Variants in COMP observed in about 807,000 individuals in gnomAD.
COMP encodes cartilage oligomeric matrix protein, also known as cartilage oligomeric matrix protein (pseudoachondroplasia, epiphyseal dysplasia 1, multiple).
In COMP, 79 loss-of-function variants were observed where a neutral mutation model predicts 95.8. The ratio of observed to expected loss-of-function variants is 0.82; its 90% confidence interval spans 0.69 to 0.99. The LOEUF (loss-of-function observed/expected upper bound fraction) is 0.99. Ranked by LOEUF, COMP falls within the 50% of genes least tolerant of loss-of-function variation. COMP has a pLI of 0.00. For synonymous variants in COMP, 438 were observed against 433.9 expected, an observed-to-expected ratio of 1.01 and a Z score of -0.12; for missense variants, 906 against 1,076.1, an observed-to-expected ratio of 0.84 and a Z score of 2.21.
At position 18,790,064 on chromosome 19, in the gene COMP, G is replaced by A. The variant is rs757546301; in HGVS notation, c.268C>T (p.His90Tyr). 1.3e-6 allele frequency: 2 copies of A among 1,552,546 alleles called. No homozygotes were observed. Among genetic ancestry groups the A allele is most frequent in the Non-Finnish European group, 1.7e-6 (2 of 1,154,044 alleles). ...GGGAAGCAGAAGCCGGGCGCGCAGT[G>A]GAGCAGGGGCCGCACGCTGGGTAGG... ...TGLPSVRPLL[H>Y]CAPGFCFPGV... Residue 90 changes from histidine to tyrosine, a missense_variant, in exon 4 of 19, where the codon CAC (histidine) becomes TAC (tyrosine). By Grantham distance (83) the His-to-Tyr change is moderately conservative. Transcript: ENST00000222271.
In COMP at chr19:18,784,060, C is replaced by A; in HGVS notation, c.2087+131G>T. On this transcript the variant is annotated intron_variant, in intron 17 of 18. Coordinates refer to ENST00000222271, the MANE Select transcript of COMP (RefSeq NM_000095.3). The surrounding 1 kb of genome is among the most constrained non-coding windows in gnomAD (Gnocchi z 4.9). ...ACGCCTGGACCAGCATAGGCTCATT[C>A]TAACTGCCCTGTATCTTTCCTATCG... is the stretch of plus-strand genomic sequence containing the variant. 4.7e-6 allele frequency: 5 copies of A among 1,061,570 alleles called. 1 individual carries two copies. The South Asian group carries it at 5.4e-5, about 11-fold the overall frequency. The allele number at this position is 1,061,570 out of a possible 1,614,324, so 65.8% of individuals were successfully genotyped here.
rs972333523 is a variant in COMP at position 18,786,411 on chromosome 19, C to G, written c.1255-120G>C. The G allele has an allele frequency of 8.4e-6, 13 of 1,548,556 alleles. 1 individual carries two copies. In the South Asian group the frequency reaches 1.5e-4, roughly 17 times the overall value. On this transcript the variant is annotated intron_variant, in intron 11 of 18. Transcript: ENST00000222271. Reference sequence around the variant, plus strand: ...CCAAGGAAACCCCCACCGCAGGCTGCTCGGACCGAGAGGTCATTTCTCTGG... The same window carrying G: ...CCAAGGAAACCCCCACCGCAGGCTGGTCGGACCGAGAGGTCATTTCTCTGG...
Position 18,788,379 on chromosome 19 carries a change from C to A in COMP, c.867+31G>T. 1 of 1,590,698 alleles carries A rather than the reference C, an allele frequency of 6.3e-7. No individual in the cohort carries two copies. Among genetic ancestry groups the A allele is most frequent in the Non-Finnish European group, 8.6e-7 (1 of 1,165,160 alleles). ...TCATGAAGTCCCGCCCTCCCTCCTG[C>A]CCAAGCCCGCCCCGCTCCGCCCCCA... On this transcript the variant is annotated intron_variant, in intron 8 of 18. Coordinates refer to ENST00000222271, the MANE Select transcript of COMP (RefSeq NM_000095.3). This position sits in a 1 kb window ranked among gnomAD's most constrained non-coding sequence, Gnocchi z 4.7.
rs2055200722 is a variant in COMP at position 18,790,039 on chromosome 19, G to C, written c.293C>G (p.Pro98Arg). ...LLHCAPGFCFPGVACIQTESG... is the reference protein window; with the variant it reads ...LLHCAPGFCFRGVACIQTESG... ...CTCCGTCTGGATGCAGGCCACGCCG[G>C]GGAAGCAGAAGCCGGGCGCGCAGTG... Residue 98 changes from proline to arginine, a missense_variant, in exon 4 of 19, where the codon CCC (proline) becomes CGC (arginine). By Grantham distance (103) the Pro-to-Arg change is moderately radical. Coordinates refer to ENST00000222271, the MANE Select transcript of COMP (RefSeq NM_000095.3). 6.4e-7 allele frequency: 1 copy of C among 1,571,090 alleles called. No homozygotes were observed. Among genetic ancestry groups the C allele is most frequent in the East Asian group, 2.3e-5 (1 of 43,222 alleles).
chr19:18,784,235 G>A lies in COMP; in HGVS notation c.2043C>T (p.Ser681=). The change falls in exon 17 of 19, where the codon TCC becomes TCT. Residue 681 remains serine, a synonymous_variant. Transcript: ENST00000222271. The surrounding 1 kb of genome is among the most constrained non-coding windows in gnomAD (Gnocchi z 4.9). ...GCCGGTGCTGCAGGAACCAACGATA[G>A]GACTTCTTGTCCTTCCAACCCACGT... ...PRNVGWKDKK[S]YRWFLQHRPQ... The A allele has an allele frequency of 6.2e-7, 1 of 1,614,068 alleles. No homozygotes were observed. The highest frequency in any genetic ancestry group is 1.1e-5 in the South Asian group (1 of 91,084).
At position 18,788,823 on chromosome 19, in the gene COMP, C is replaced by G. The variant is rs771807178; in HGVS notation, c.603+16G>C. On this transcript the variant is annotated intron_variant, in intron 6 of 18. Coordinates refer to ENST00000222271, the MANE Select transcript of COMP (RefSeq NM_000095.3). The surrounding 1 kb of genome is among the most constrained non-coding windows in gnomAD (Gnocchi z 4.7). ...CCACCTCCCGCGATCCTTTCTTCCT[C>G]CCCAGCGGGCCTTACCCGGGTGTTG... The G allele has an allele frequency of 6.2e-7, 1 of 1,613,438 alleles. No homozygotes were observed. Among genetic ancestry groups the G allele is most frequent in the East Asian group, 2.2e-5 (1 of 44,876 alleles).
In COMP at chr19:18,783,059, C is replaced by T. The variant is rs1297632156; in HGVS notation, c.2222G>A (p.Cys741Tyr). 1.9e-6 allele frequency: 3 copies of T among 1,612,320 alleles called. No homozygotes were observed. Among genetic ancestry groups the T allele is most frequent in the Admixed American group, 1.7e-5 (1 of 60,032 alleles). Residue 741 changes from cysteine to tyrosine, a missense_variant, in exon 18 of 19, where the codon TGC (cysteine) becomes TAC (tyrosine). Transcript: ENST00000222271. ...NIIWANLRYR[C>Y]NDTIPEDYET... ...CCCGCTGGCCCTCGGCTCACCATTGCAGCGGTAACGCAGGTTGGCCCAGAT... is the reference window on the plus strand; with the variant it reads ...CCCGCTGGCCCTCGGCTCACCATTGTAGCGGTAACGCAGGTTGGCCCAGAT...
Position 18,786,281 on chromosome 19 carries a change from T to C in COMP, c.1265A>G (p.Asp422Gly), listed in dbSNP as rs1568554988. 1 of 1,613,970 alleles carries C rather than the reference T, an allele frequency of 6.2e-7. No individual in the cohort carries two copies. The highest frequency in any genetic ancestry group is 1.1e-5 in the South Asian group (1 of 91,086). ...QKSNPDQADV[D>G]HDFVGDACDS... ...ACAAGCATCTCCCACAAAGTCGTGG[T>C]CCACATCCGCCTGCGGAGGGCAGCA... Residue 422 changes from aspartate to glycine, a missense_variant, in exon 12 of 19, where the codon GAC becomes GGC. By Grantham distance (94) the Asp-to-Gly change is moderately conservative (BLOSUM62 -1). Transcript: ENST00000222271.
In COMP at chr19:18,789,161, T is replaced by C; in HGVS notation, c.527A>G (p.Gln176Arg). 1 of 1,582,384 alleles carries C rather than the reference T, an allele frequency of 6.3e-7. No individual in the cohort carries two copies. Among genetic ancestry groups the C allele is most frequent in the African/African-American group, 1.4e-5 (1 of 73,398 alleles). ...AAATGGGGCCCCCACACCTCTCACC[T>C]GCTTGTTGGCCTTGGCGAAAGCCAG... ...VGLAFAKANK[Q>R]VCTDINECET... The change falls in exon 5 of 19, where the codon CAG (glutamine) becomes CGG (arginine). Residue 176 changes from glutamine (Q) to arginine (R), a missense_variant and splice_region_variant. Physicochemically the swap from Gln to Arg is conservative, Grantham distance 43. Transcript: ENST00000222271. The surrounding 1 kb of genome is among the most constrained non-coding windows in gnomAD (Gnocchi z 6.1).
At chr19:18,787,814 TC>T (rs1167417948) in intron 9 of COMP, among the ~76,000 whole-genome samples, 164 bp from the exon 10 acceptor site, 4 of 152,106 alleles carry the variant, frequency 2.6e-5, no homozygotes, top group African/African-American at 9.7e-5. Context: ...CCATCCCACT[TC>T]CCTAGGCCCC....
intron 2 of COMP, 62 bp downstream of exon 2, chr19:18,790,788 G>A (rs2055207258): frequency 1.3e-6 from 2 of 1,569,546 alleles, no homozygotes; most frequent in Admixed American, 3.8e-5. Context: ...CTCTCTCCTC[G>A]CTGGGAACTG....
In COMP at chr19:18,788,074, T is replaced by C; in HGVS notation, c.975+138A>G. 1.3e-6 allele frequency: 1 copy of C among 748,132 alleles called. No homozygotes were observed. Among genetic ancestry groups the C allele is most frequent in the South Asian group, 1.5e-5 (1 of 65,408 alleles). 46.3% of individuals were successfully genotyped at this position (748,132 alleles called of 1,614,324 possible). ...GTGCACCACCACGCCCCGCTAATTT[T>C]TGTATTTTTAGTAGAGGAGGGGTTT... On this transcript the variant is annotated intron_variant, in intron 9 of 18. Transcript: ENST00000222271. The surrounding 1 kb of genome is among the most constrained non-coding windows in gnomAD (Gnocchi z 4.7).
rs766271854 is a variant in COMP, at chr19:18,791,237, G to A, written c.33C>T (p.Leu11=). 2 of 1,598,654 alleles carry A rather than the reference G, an allele frequency of 1.3e-6. No individual in the cohort carries two copies. The highest frequency in any genetic ancestry group is 2.7e-5 in the African/African-American group (2 of 74,832). ...CGGACGCGCCGAGGGCAGCCAGGGT[G>A]AGCAGAAGAACGCAGGCGGTGTCGG... The part of the protein sequence containing the change: MVPDTACVLL[L]TLAALGASGQ... Residue 11 remains leucine (L), a synonymous_variant, in exon 1 of 19, where the codon CTC becomes CTT. Transcript: ENST00000222271.
At position 18,786,290 on chromosome 19, in the gene COMP, G is replaced by C. The variant is rs996754896; in HGVS notation, c.1256C>G (p.Ala419Gly). 6.2e-7 allele frequency: 1 copy of C among 1,613,928 alleles called. No homozygotes were observed. Among genetic ancestry groups the C allele is most frequent in the Non-Finnish European group, 8.5e-7 (1 of 1,180,018 alleles). ...NCPQKSNPDQ[A>G]DVDHDFVGDA... Reference sequence around the variant, plus strand: ...TCCCACAAAGTCGTGGTCCACATCCGCCTGCGGAGGGCAGCATGCGGGGGT... The same window carrying C: ...TCCCACAAAGTCGTGGTCCACATCCCCCTGCGGAGGGCAGCATGCGGGGGT... The change falls in exon 12 of 19, where the codon GCG becomes GGG. Residue 419 changes from alanine to glycine, a missense_variant and splice_region_variant. Physicochemically the swap from Ala to Gly is moderately conservative, Grantham distance 60 (BLOSUM62 0). Transcript: ENST00000222271.
Position 18,782,808 on chromosome 19 carries a change from C to T in COMP, c.*107G>A. ...CACACTTTATTTTGTCCTCTCTGAG[C>T]CCTTCTCACTTCCCCCTCAGGACGG... On this transcript the variant is annotated 3_prime_UTR_variant, in exon 19 of 19. Coordinates refer to ENST00000222271, the MANE Select transcript of COMP (RefSeq NM_000095.3). 1 of 1,260,060 alleles carries T rather than the reference C, an allele frequency of 7.9e-7. No individual in the cohort carries two copies. The highest frequency in any genetic ancestry group is 2.6e-4 in the Middle Eastern group (1 of 3,820). The allele number at this position is 1,260,060 out of a possible 1,614,324, so 78.1% of individuals were successfully genotyped here.
At position 18,788,366 on chromosome 19, in the gene COMP, G is replaced by T; in HGVS notation, c.867+44C>A. ...GTGAGGGGCGCGGTCATGAAGTCCC[G>T]CCCTCCCTCCTGCCCAAGCCCGCCC... On this transcript the variant is annotated intron_variant, in intron 8 of 18. Coordinates refer to ENST00000222271, the MANE Select transcript of COMP (RefSeq NM_000095.3). This position sits in a 1 kb window ranked among gnomAD's most constrained non-coding sequence, Gnocchi z 4.7. 2 of 1,604,648 alleles carry T rather than the reference G, an allele frequency of 1.2e-6. No homozygotes were observed. Among genetic ancestry groups the T allele is most frequent in the East Asian group, 2.2e-5 (1 of 44,774 alleles).
intron 17 of COMP, 121 bp from the exon 18 acceptor site, chr19:18,783,314 C>G: frequency 7.1e-7 from 1 of 1,403,368 alleles, no homozygotes; most frequent in East Asian, 2.5e-5. Context: ...GCAAGTGAGG[C>G]CTCTGCCTTG....
chr19:18,791,171 C>T lies in COMP; in HGVS notation c.79+20G>A. 1.3e-6 allele frequency: 2 copies of T among 1,568,116 alleles called. No individual in the cohort carries two copies. ...CCGTTGTGGGGCCGTGGGCACGGCG[C>T]GGGTGCTAACGCGGCTTACCCAACG... is the stretch of plus-strand genomic sequence containing the variant. On this transcript the variant is annotated intron_variant, in intron 1 of 18. Coordinates refer to ENST00000222271, the MANE Select transcript of COMP (RefSeq NM_000095.3).
intron 1 of COMP, 27 bp downstream of exon 1, chr19:18,791,164 C>T (rs2055210762): frequency 6.4e-7 from 1 of 1,563,394 alleles, no homozygotes. Flanking sequence ...GGGCCGTGGG[C>T]ACGGCGCGGG....
Sources: allele counts gnomAD v4.1 joint callset (sites outside exome capture counted in the v4.1 genomes callset), GRCh38; gene constraint gnomAD v4.1.1; non-coding constraint Gnocchi (gnomAD v3.1); transcripts MANE v1.5; gene names NCBI Gene and HGNC (gene_info 2026-07-23, HGNC 2026-07-21).